The following TTC5 variants were observed in gnomAD, a reference collection of about 807,000 sequenced individuals.
TTC5 encodes tetratricopeptide repeat domain 5, also known as tetratricopeptide repeat protein 5.
A neutral mutation model predicts 57.4 loss-of-function variants in TTC5; 46 were observed. The ratio of observed to expected loss-of-function variants is 0.80; its 90% CI spans 0.63 to 1.03. TTC5 has a LOEUF of 1.03. Ranked by LOEUF, TTC5 falls within the 50% of genes least tolerant of loss-of-function variation. TTC5 has a pLI of 0.00. For missense variants in TTC5, 504 were observed against 528.1 expected (o/e 0.95, Z 0.45); for synonymous variants, 190 against 203.5 (o/e 0.93, Z 0.57).
chr14:20,293,658 A>G (rs1435546388), intron 8 of TTC5: 3 of 152,208 alleles, frequency 2.0e-5, no homozygotes, highest in African/African-American at 7.2e-5. Context: ...AATCAGGGAG[A>G]CCTATCTGGA....
intron 9 of TTC5, 31 bp from the exon 10 acceptor site, chr14:20,289,777 A>T: frequency 6.3e-7 from 1 of 1,588,268 alleles, no homozygotes; most frequent in Non-Finnish European, 8.6e-7. Context: ...AAGGTTCACT[A>T]CAGATTCCAA....
At chr14:20,304,905 T>C (rs1882259731) in intron 1 of TTC5, among the ~76,000 whole-genome samples, 1 of 152,104 alleles carries the variant, frequency 6.6e-6, no homozygotes, top group Non-Finnish European at 1.5e-5. Context: ...TTCAAATAGA[T>C]ACATGTAAAA....
intron 1 of TTC5, among the ~76,000 whole-genome samples, chr14:20,302,428 G>C (rs1882212407): frequency 6.6e-6 from 1 of 152,166 alleles, no homozygotes; most frequent in African/African-American, 2.4e-5. Flanking sequence ...GCTGAGATCT[G>C]AAAATACAAC....
rs1173645851 is a variant in TTC5 at position 20,286,396 on chromosome 14, G to A, written c.*3231C>T. 1 of 152,010 alleles carries A rather than the reference G, an allele frequency of 6.6e-6. No homozygotes were observed. Among genetic ancestry groups the A allele is most frequent in the African/African-American group, 2.4e-5 (1 of 41,414 alleles). 9.4% of individuals were successfully genotyped at this position (152,010 alleles called of 1,614,324 possible). A position where few individuals can be genotyped will look rare whatever the true frequency, so the allele number is the denominator to read the frequency against. ...AAGAAATGTAATTTATGCCTACTATGTGATATTTTATAATCATCTGGTTGG... is the reference window on the plus strand; with the variant it reads ...AAGAAATGTAATTTATGCCTACTATATGATATTTTATAATCATCTGGTTGG... On this transcript the variant is annotated 3_prime_UTR_variant, in exon 10 of 10. Coordinates refer to ENST00000258821, the MANE Select transcript of TTC5 (RefSeq NM_138376.3).
chr14:20,295,396 C>G lies in TTC5; in HGVS notation c.974G>C (p.Ser325Thr). 1 of 1,614,172 alleles carries G rather than the reference C, an allele frequency of 6.2e-7. No homozygotes were observed. The highest frequency in any genetic ancestry group is 1.1e-5 in the South Asian group (1 of 91,086). ...QKVTLELKPLSTLQPGVNSGA... is the reference protein window; with the variant it reads ...QKVTLELKPLTTLQPGVNSGA... The stretch of plus-strand genomic sequence containing the variant: ...GCTGTTCACCCCAGGCTGAAGCGTA[C>G]TCAGTGGCTTGAGCTCCAGGGTCAC... The change falls in exon 8 of 10, where the codon AGT becomes ACT. Residue 325 changes from serine to threonine, a missense_variant. Ser to Thr is a moderately conservative substitution (Grantham distance 58). Transcript: ENST00000258821.
intron 1 of TTC5, among the ~76,000 whole-genome samples, chr14:20,303,036 A>G (rs2138819677): frequency 6.6e-6 from 1 of 152,228 alleles, no homozygotes; most frequent in East Asian, 1.9e-4. Flanking sequence ...TACTAAAAAT[A>G]CAAAAATTAG....
In TTC5 at chr14:20,305,896, C is replaced by G. The variant is rs34675160; in HGVS notation, c.42G>C (p.Gln14His). ...TAATCTACGGCCCCACCTGCAATTTCTGCAAGATCGGCTTGACTTCTTCCT... is the reference window on the plus strand; with the variant it reads ...TAATCTACGGCCCCACCTGCAATTTGTGCAAGATCGGCTTGACTTCTTCCT... ...DEEEEVKPIL[Q>H]KLQELVDQLY... The change falls in exon 1 of 10, where the codon CAG becomes CAC. Residue 14 changes from glutamine to histidine, a missense_variant. By Grantham distance (24) the Gln-to-His change is conservative. Coordinates refer to ENST00000258821, the MANE Select transcript of TTC5 (RefSeq NM_138376.3). The G allele has an allele frequency of 1.5e-4, 250 of 1,614,158 alleles. No homozygotes were observed. In the African/African-American group the frequency reaches 3.1e-3, roughly 20 times the overall value.
In TTC5 at chr14:20,286,759, A is replaced by T. The variant is rs1211375612; in HGVS notation, c.*2868T>A. 6.7e-6 allele frequency: 1 copy of T among 150,084 alleles called. No homozygotes were observed. The highest frequency in any genetic ancestry group is 1.9e-4 in the East Asian group (1 of 5,132). 9.3% of individuals were successfully genotyped at this position (150,084 alleles called of 1,614,324 possible). A position where few individuals can be genotyped will look rare whatever the true frequency, so the allele number is the denominator to read the frequency against. ...GACCCAATAGAATAAAAAAAAAAACAGGATAAAACTGTATGTAGACAAACG... is the reference window on the plus strand; with the variant it reads ...GACCCAATAGAATAAAAAAAAAAACTGGATAAAACTGTATGTAGACAAACG... On this transcript the variant is annotated 3_prime_UTR_variant, in exon 10 of 10. Coordinates refer to ENST00000258821, the MANE Select transcript of TTC5 (RefSeq NM_138376.3).
At chr14:20,296,486 A>C (rs1882066700) in intron 5 of TTC5, 40 bp from the exon 6 acceptor site, 2 of 1,507,328 alleles carry the variant, frequency 1.3e-6, no homozygotes, top group Non-Finnish European at 9.2e-7. Context: ...ATCCTGTCTC[A>C]ATGTTAAGGA....
chr14:20,305,667 C>T (rs1882275662), intron 1 of TTC5: 2 of 587,076 alleles, frequency 3.4e-6, no homozygotes, highest in East Asian at 2.8e-5. Flanking sequence ...AATCTTCTTC[C>T]ATACAGGACT....
chr14:20,295,917 C>T, intron 6 of TTC5, 63 bp from the exon 7 acceptor site: 1 of 1,447,732 alleles, frequency 6.9e-7, no homozygotes, highest in Non-Finnish European at 9.3e-7. Context: ...GGGAATGGCA[C>T]CATGGGCTAG....
rs1242484013 is a variant in TTC5, at chr14:20,289,096, C to T, written c.*531G>A. The T allele has an allele frequency of 6.7e-6, 1 of 148,552 alleles. No individual in the cohort carries two copies. The highest frequency in any genetic ancestry group is 2.0e-4 in the East Asian group (1 of 5,102). The allele number at this position is 148,552 out of a possible 1,614,324, so 9.2% of individuals were successfully genotyped here. ...GTGATCCTAAAACAAAGAATACAGG[C>T]CTAGGGAGAATAAAGCAGGCCAAAC... On this transcript the variant is annotated 3_prime_UTR_variant, in exon 10 of 10. Coordinates refer to ENST00000258821, the MANE Select transcript of TTC5 (RefSeq NM_138376.3).
intron 5 of TTC5, 131 bp from the exon 6 acceptor site, chr14:20,296,577 C>A: frequency 1.3e-6 from 1 of 746,778 alleles, no homozygotes; most frequent in Non-Finnish European, 2.4e-6. Context: ...ATTTATACCA[C>A]AGAAGCAGTT....
chr14:20,295,531 AAAG>A lies in TTC5; in HGVS notation c.844-8_844-6del, dbSNP rs1226461129. ...CTTTTTGGTCTTCACCTTTCCCTGCAAAGAAGGGGAAATAGGTAAGAAGCTGGA... is the reference window on the plus strand; with the variant it reads ...CTTTTTGGTCTTCACCTTTCCCTGCAAAGGGGAAATAGGTAAGAAGCTGGA... On this transcript the variant is annotated splice_polypyrimidine_tract_variant and splice_region_variant and intron_variant, in intron 7 of 9. Coordinates refer to ENST00000258821, the MANE Select transcript of TTC5 (RefSeq NM_138376.3). 3 of 1,606,270 alleles carry A rather than the reference AAAG, an allele frequency of 1.9e-6. No homozygotes were observed. The highest frequency in any genetic ancestry group is 2.6e-6 in the Non-Finnish European group (3 of 1,174,472).
rs200934774 is a variant in TTC5, at chr14:20,292,135, G to T, written c.1059-8C>A. ...TCTACCAGGCCAAATGTACTACCAAGTAAAGACAGATTAGGAGAGAGGAAA... is the reference window on the plus strand; with the variant it reads ...TCTACCAGGCCAAATGTACTACCAATTAAAGACAGATTAGGAGAGAGGAAA... On this transcript the variant is annotated splice_region_variant and splice_polypyrimidine_tract_variant and intron_variant, in intron 8 of 9. Transcript: ENST00000258821. The T allele has an allele frequency of 1.9e-6, 3 of 1,539,982 alleles. No individual in the cohort carries two copies. The highest frequency in any genetic ancestry group is 8.8e-7 in the Non-Finnish European group (1 of 1,142,624).
intron 5 of TTC5, among the ~76,000 whole-genome samples, 169 bp from the exon 6 acceptor site, chr14:20,296,615 C>A (rs1369409985): frequency 1.3e-5 from 2 of 152,238 alleles, no homozygotes; most frequent in African/African-American, 4.8e-5. Flanking sequence ...ATATCTTAGT[C>A]CCAAAACCTT....
intron 4 of TTC5, among the ~76,000 whole-genome samples, 196 bp downstream of exon 4, chr14:20,299,102 C>A (rs181425030): frequency 6.6e-6 from 1 of 152,278 alleles, no homozygotes; most frequent in East Asian, 1.9e-4. Flanking sequence ...TCCTTGCTTA[C>A]GTGAAAACTA....
intron 3 of TTC5, 157 bp downstream of exon 3, chr14:20,300,450 C>G (rs1266271205): frequency 1.6e-6 from 1 of 620,516 alleles, no homozygotes; most frequent in South Asian, 2.2e-5. Context: ...CCTCTATTTT[C>G]CTCATTCAGG....
intron 1 of TTC5, chr14:20,305,667 C>G (rs1882275662): frequency 1.7e-6 from 1 of 587,076 alleles, no homozygotes. Flanking sequence ...AATCTTCTTC[C>G]ATACAGGACT....
Sources: allele counts gnomAD v4.1 joint callset (sites outside exome capture counted in the v4.1 genomes callset), GRCh38; gene constraint gnomAD v4.1.1; transcripts MANE v1.5; gene names NCBI Gene and HGNC (gene_info 2026-07-23, HGNC 2026-07-21).